Variants in ZNF385B observed in about 807,000 individuals in gnomAD.
The protein encoded by ZNF385B is zinc finger protein 385B.
In ZNF385B, 23 loss-of-function variants were observed where a neutral mutation model predicts 39.2. The observed-to-expected ratio is 0.59, with a 90% confidence interval of 0.42 to 0.83. The LOEUF is 0.83. Among genes scored for constraint, ZNF385B ranks in the 40% least tolerant of loss-of-function variants. The probability of loss-of-function intolerance (pLI) is 0.00; values close to 1 mark genes in which losing one functional copy is unlikely to be tolerated. For missense variants in ZNF385B, 552 were observed against 598.9 expected (o/e 0.92, Z 0.82); for synonymous variants, 205 against 222.6 (o/e 0.92, Z 0.70).
chr2:179,695,940 T>C (rs1698703159), intron 3 of ZNF385B, among the ~76,000 whole-genome samples: 1 of 152,224 alleles, frequency 6.6e-6, no homozygotes, highest in Non-Finnish European at 1.5e-5. Flanking sequence ...TAAAAAGGAA[T>C]GGTGTGTGGA....
At chr2:179,595,730 A>T (rs1687947896) in intron 3 of ZNF385B, among the ~76,000 whole-genome samples, 1 of 149,522 alleles carries the variant, frequency 6.7e-6, no homozygotes, top group South Asian at 2.2e-4. Context: ...GGCTCCAGCG[A>T]TCTGCATACC....
At chr2:179,800,454 C>T (rs1705957206) in intron 1 of ZNF385B, among the ~76,000 whole-genome samples, 1 of 151,942 alleles carries the variant, frequency 6.6e-6, no homozygotes, top group South Asian at 2.1e-4. Context: ...AGGAAATTTG[C>T]CATTCTGCTT....
intron 6 of ZNF385B, among the ~76,000 whole-genome samples, chr2:179,462,722 T>TC (rs1240012741): frequency 3.3e-5 from 5 of 152,152 alleles, no homozygotes; most frequent in Non-Finnish European, 7.4e-5. Flanking sequence ...AAAGGAGTAT[T>TC]CATTTGTAGT....
intron 5 of ZNF385B, among the ~76,000 whole-genome samples, chr2:179,515,542 G>A (rs72954307): frequency 5.7e-4 from 86 of 152,132 alleles, no homozygotes; most frequent in East Asian, 1.5e-3. Context: ...TAATTTCTCC[G>A]TATAACTCTA....
chr2:179,794,107 T>C (rs1028297130), intron 1 of ZNF385B, among the ~76,000 whole-genome samples: 1 of 152,212 alleles, frequency 6.6e-6, no homozygotes, highest in African/African-American at 2.4e-5. Context: ...CTGCCTTCTA[T>C]ATTTGATCCT....
intron 1 of ZNF385B, among the ~76,000 whole-genome samples, chr2:179,836,444 T>G (rs1286913559): frequency 6.6e-6 from 1 of 151,764 alleles, no homozygotes; most frequent in African/African-American, 2.4e-5. Context: ...AGAATTTGAG[T>G]CAGAAGCCTC....
At chr2:179,462,402 G>GA (rs113732711) in intron 6 of ZNF385B, among the ~76,000 whole-genome samples, 8 of 152,256 alleles carry the variant, frequency 5.3e-5, no homozygotes, top group South Asian at 2.1e-4. Context: ...ACAAAAGGGG[G>GA]AAAAACCACA....
chr2:179,761,900 C>T (rs1463120844), intron 3 of ZNF385B, among the ~76,000 whole-genome samples: 9 of 145,550 alleles, frequency 6.2e-5, no homozygotes, highest in African/African-American at 1.5e-4. Flanking sequence ...ATTTGTTTTT[C>T]TTGCCTTATT....
intron 3 of ZNF385B, among the ~76,000 whole-genome samples, chr2:179,688,545 G>A (rs534150592): frequency 1.4e-4 from 21 of 151,988 alleles, no homozygotes; most frequent in Admixed American, 1.4e-3. Flanking sequence ...AGAAAGACAA[G>A]CCTTTCATTG....
At position 179,574,702 on chromosome 2, in the gene ZNF385B, C is replaced by A. The variant is rs138295059; in HGVS notation, c.299-29733G>T. ...ACTTGTACATTGAAGAAATTATATT[C>A]TTCACATAGCATAGATTGTGAACAT... On this transcript the variant is annotated intron_variant, in intron 3 of 9. Transcript: ENST00000410066. Among the ~76,000 whole-genome samples the A allele has an allele frequency of 2.9e-3, 443 of 152,254 alleles. 3 individuals carry two copies. The highest frequency in any genetic ancestry group is 0.01 in the African/African-American group (418 of 41,548).
At chr2:179,782,094 T>G (rs1240943262) in intron 1 of ZNF385B, among the ~76,000 whole-genome samples, 1 of 152,110 alleles carries the variant, frequency 6.6e-6, no homozygotes. Flanking sequence ...AACAAAATAC[T>G]TGCAAACTGA....
At chr2:179,586,863 C>T (rs111981651) in intron 3 of ZNF385B, among the ~76,000 whole-genome samples, 1,666 of 152,108 alleles carry the variant, frequency 0.011, 20 homozygotes, top group African/African-American at 0.038. Flanking sequence ...ATGGTGAAAC[C>T]CTGTCTCTAC....
chr2:179,802,211 T>A (rs188841041), intron 1 of ZNF385B, among the ~76,000 whole-genome samples: 2 of 152,200 alleles, frequency 1.3e-5, no homozygotes, highest in East Asian at 3.9e-4. Context: ...TACTGCTTAT[T>A]CCAATCTTTA....
intron 1 of ZNF385B, among the ~76,000 whole-genome samples, chr2:179,783,961 C>T (rs1559191454): frequency 6.6e-6 from 1 of 152,182 alleles, no homozygotes; most frequent in Non-Finnish European, 1.5e-5. Flanking sequence ...ACCCAGCAAT[C>T]CCATTACTGG....
chr2:179,591,720 T>C (rs375926876), intron 3 of ZNF385B, among the ~76,000 whole-genome samples: 4 of 152,098 alleles, frequency 2.6e-5, no homozygotes, highest in African/African-American at 7.2e-5. Flanking sequence ...TTCTCTCTTT[T>C]TTCCCCCCAT....
chr2:179,470,628 A>C (rs1178618462), intron 6 of ZNF385B, among the ~76,000 whole-genome samples: 1 of 152,156 alleles, frequency 6.6e-6, no homozygotes, highest in East Asian at 1.9e-4. Flanking sequence ...TGGTTGAAGG[A>C]ATGGTAAAAA....
chr2:179,451,128 A>G (rs938836678), intron 6 of ZNF385B, among the ~76,000 whole-genome samples: 15 of 150,784 alleles, frequency 9.9e-5, no homozygotes, highest in African/African-American at 1.5e-4. Context: ...GAGGGATAGC[A>G]TTAGGAGATA....
intron 1 of ZNF385B, among the ~76,000 whole-genome samples, chr2:179,785,752 C>G (rs896934077): frequency 1.3e-5 from 2 of 152,050 alleles, no homozygotes; most frequent in African/African-American, 2.4e-5. Flanking sequence ...TACGGATGAG[C>G]AAAGAAAGTG....
chr2:179,583,918 A>T, intron 3 of ZNF385B: 1 of 1,303,902 alleles, frequency 7.7e-7, no homozygotes, highest in Non-Finnish European at 1.0e-6. Context: ...GGCCAGAATG[A>T]AAAACCATTC....
Sources: allele counts gnomAD v4.1 joint callset (sites outside exome capture counted in the v4.1 genomes callset), GRCh38; gene constraint gnomAD v4.1.1; transcripts MANE v1.5; gene names NCBI Gene and HGNC (gene_info 2026-07-23, HGNC 2026-07-21).